GABPB2: variants seen among roughly 807,000 people sequenced by gnomAD.
The protein encoded by GABPB2 is GA-binding protein subunit beta-2.
A neutral mutation model predicts 39.1 loss-of-function variants in GABPB2; 23 were observed. That is an observed-to-expected ratio of 0.59 (90% confidence interval 0.42 to 0.83). GABPB2 has a LOEUF of 0.83. GABPB2 is among the 40% of genes least tolerant of loss of function. The pLI is 0.00. For missense variants in GABPB2, 467 were observed against 541.1 expected (o/e 0.86, Z 1.36); for synonymous variants, 184 against 199.3 (o/e 0.92, Z 0.65).
Position 151,088,187 on chromosome 1 carries a change from A to G in GABPB2, c.1-3A>G. On this transcript the variant is annotated splice_polypyrimidine_tract_variant and splice_region_variant and intron_variant, in intron 1 of 8. Transcript: ENST00000368918. ...CTGAAAACTTTTGTTCCTATGCATA[A>G]AGATGTCTTTGGTGGACTTGGGAAA... The G allele has an allele frequency of 6.2e-7, 1 of 1,612,674 alleles. No homozygotes were observed. The highest frequency in any genetic ancestry group is 8.5e-7 in the Non-Finnish European group (1 of 1,178,732).
chr1:151,116,369 CCA>C (rs1349138649), intron 7 of GABPB2, among the ~76,000 whole-genome samples: 2 of 149,180 alleles, frequency 1.3e-5, no homozygotes, highest in Admixed American at 1.4e-4. Flanking sequence ...CCATTGCACT[CCA>C]GTCTGGGCAA....
chr1:151,117,250 GC>G, intron 7 of GABPB2, 141 bp from the exon 8 acceptor site: 1 of 787,200 alleles, frequency 1.3e-6, no homozygotes, highest in Non-Finnish European at 2.0e-6. Context: ...CCAGTCAGCT[GC>G]CTGAGTAGCT....
chr1:151,084,896 C>A (rs1678045689), intron 1 of GABPB2, among the ~76,000 whole-genome samples: 1 of 151,862 alleles, frequency 6.6e-6, no homozygotes, highest in Admixed American at 6.6e-5. Context: ...TTCATCATTC[C>A]TTCATATAAA....
intron 1 of GABPB2, among the ~76,000 whole-genome samples, chr1:151,082,998 AAAG>A (rs1256811664): frequency 6.6e-6 from 1 of 151,942 alleles, no homozygotes; most frequent in African/African-American, 2.4e-5. Context: ...AAGAAAAGAA[AAAG>A]TTAGTTGCAA....
At chr1:151,074,197 G>A (rs587658096) in intron 1 of GABPB2, among the ~76,000 whole-genome samples, 6 of 151,524 alleles carry the variant, frequency 4.0e-5, no homozygotes, top group African/African-American at 1.5e-4. Flanking sequence ...AGATGGTCTC[G>A]ATCTCCTGAC....
chr1:151,087,212 C>G (rs1327037268), intron 1 of GABPB2, among the ~76,000 whole-genome samples: 4 of 151,282 alleles, frequency 2.6e-5, no homozygotes, highest in East Asian at 2.0e-4. Context: ...GTCTCAAACT[C>G]GTGAGCTCAA....
At position 151,093,283 on chromosome 1, in the gene GABPB2, T is replaced by G. The variant is rs773616598; in HGVS notation, c.368T>G (p.Leu123Arg). 1.2e-6 allele frequency: 2 copies of G among 1,613,484 alleles called. No individual in the cohort carries two copies. Residue 123 changes from leucine (L) to arginine (R), a missense_variant, in exon 4 of 9, where the codon CTT (leucine) becomes CGT (arginine). Leu to Arg is a moderately radical substitution (Grantham distance 102). Transcript: ENST00000368918. ...CACCATCGAGATGTCGTAGAGTTACTTATCAAATATGGAGCTGATGTCCAT... is the reference window on the plus strand; with the variant it reads ...CACCATCGAGATGTCGTAGAGTTACGTATCAAATATGGAGCTGATGTCCAT... The part of the protein sequence containing the change: ...ERHHRDVVEL[L>R]IKYGADVHAF...
At chr1:151,109,328 A>G (rs1227690212) in intron 7 of GABPB2, among the ~76,000 whole-genome samples, 1 of 41,832 alleles carries the variant, frequency 2.4e-5, no homozygotes, top group Admixed American at 2.4e-4. Flanking sequence ...ACACACAAAT[A>G]TATATATATA....
intron 1 of GABPB2, among the ~76,000 whole-genome samples, chr1:151,085,010 T>C (rs1416608334): frequency 6.6e-6 from 1 of 150,740 alleles, no homozygotes; most frequent in African/African-American, 2.4e-5. Flanking sequence ...TGAGATGGAA[T>C]TGCTTGAGCC....
At chr1:151,117,211 GTCTTGAACTCCTGGAT>G (rs1241161890) in intron 7 of GABPB2, among the ~76,000 whole-genome samples, 165 bp from the exon 8 acceptor site, 1 of 152,136 alleles carries the variant, frequency 6.6e-6, no homozygotes, top group Non-Finnish European at 1.5e-5. Flanking sequence ...GTCTAGGCTA[GTCTTGAACTCCTGGAT>G]TCAAGAAGTC....
At chr1:151,091,363 C>T (rs1170770606) in intron 3 of GABPB2, among the ~76,000 whole-genome samples, 1 of 140,284 alleles carries the variant, frequency 7.1e-6, no homozygotes, top group Non-Finnish European at 1.5e-5. Flanking sequence ...GCTTGGATTA[C>T]AGATGTGAGT....
In GABPB2 at chr1:151,120,586, C is replaced by T. The variant is rs1190874894; in HGVS notation, c.*2330C>T. ...AAAACCAAAATCCAGGCTGTGTTTC[C>T]ACAGTGCTGGGAAGTGGCCAGAAAA... is the stretch of plus-strand genomic sequence containing the variant. On this transcript the variant is annotated 3_prime_UTR_variant, in exon 9 of 9. Transcript: ENST00000368918. 1 of 151,906 alleles carries T rather than the reference C, an allele frequency of 6.6e-6. No homozygotes were observed. The highest frequency in any genetic ancestry group is 1.5e-5 in the Non-Finnish European group (1 of 68,004). The allele number at this position is 151,906 out of a possible 1,614,324, so 9.4% of individuals were successfully genotyped here.
chr1:151,087,673 T>C (rs76054039), intron 1 of GABPB2, among the ~76,000 whole-genome samples: 1,791 of 152,068 alleles, frequency 0.012, 48 homozygotes, highest in African/African-American at 0.041. Context: ...ACAGTTTTAT[T>C]TGGAAACCTT....
chr1:151,111,237 AT>A (rs942349528), intron 7 of GABPB2, among the ~76,000 whole-genome samples: 18 of 147,900 alleles, frequency 1.2e-4, no homozygotes, highest in Middle Eastern at 3.5e-3. Context: ...AGCTCCCGAA[AT>A]TTTTTTTTTC....
intron 5 of GABPB2, among the ~76,000 whole-genome samples, chr1:151,101,323 C>G (rs1307024213): frequency 1.3e-5 from 2 of 151,180 alleles, no homozygotes; most frequent in Non-Finnish European, 1.5e-5. Context: ...GCCTATAATC[C>G]CAGCACTTTG....
intron 1 of GABPB2, among the ~76,000 whole-genome samples, chr1:151,074,281 T>C (rs1302486853): frequency 2.7e-5 from 4 of 146,692 alleles, no homozygotes; most frequent in Non-Finnish European, 6.0e-5. Flanking sequence ...GGCTGGTTAT[T>C]TCTTGATTGT....
In GABPB2 at chr1:151,123,982, G is replaced by A. The variant is rs1681278650; in HGVS notation, c.*5726G>A. On this transcript the variant is annotated 3_prime_UTR_variant, in exon 9 of 9. Coordinates refer to ENST00000368918, the MANE Select transcript of GABPB2 (RefSeq NM_144618.3). The stretch of plus-strand genomic sequence containing the variant: ...GATCACTTGAGGCCAGGCCAGCGTG[G>A]TGAAACTCAGTCTCTACTAAAAATA... 6.8e-6 allele frequency: 1 copy of A among 147,642 alleles called. No individual in the cohort carries two copies. Among genetic ancestry groups the A allele is most frequent in the East Asian group, 2.1e-4 (1 of 4,718 alleles). 9.1% of individuals were successfully genotyped at this position (147,642 alleles called of 1,614,324 possible). A position where few individuals can be genotyped will look rare whatever the true frequency, so the allele number is the denominator to read the frequency against.
In GABPB2 at chr1:151,103,663, C is replaced by A; in HGVS notation, c.724C>A (p.His242Asn). 4 of 1,610,788 alleles carry A rather than the reference C, an allele frequency of 2.5e-6. No individual in the cohort carries two copies. Among genetic ancestry groups the A allele is most frequent in the Non-Finnish European group, 3.4e-6 (4 of 1,176,952 alleles). ...GGCATCAGTCCCCCTCTCCAACTCA[C>A]ACAGAGCCACAGGTAGGTAAGGGAT... ...AEASVPLSNS[H>N]RATANTEEII... Residue 242 changes from histidine to asparagine, a missense_variant, in exon 6 of 9, where the codon CAC (histidine) becomes AAC (asparagine). Coordinates refer to ENST00000368918, the MANE Select transcript of GABPB2 (RefSeq NM_144618.3).
chr1:151,075,432 C>T (rs139990689), intron 1 of GABPB2, among the ~76,000 whole-genome samples: 3,193 of 151,836 alleles, frequency 0.021, 100 homozygotes, highest in African/African-American at 0.072. Context: ...GGCATGGTGG[C>T]GGGCGCCTGT....
Sources: allele counts gnomAD v4.1 joint callset (sites outside exome capture counted in the v4.1 genomes callset), GRCh38; gene constraint gnomAD v4.1.1; transcripts MANE v1.5; gene names NCBI Gene and HGNC (gene_info 2026-07-23, HGNC 2026-07-21).